Variants in ADAM10 observed in about 807,000 individuals in gnomAD.
ADAM10 encodes the protein ADAM metallopeptidase domain 10.
In ADAM10, 17 loss-of-function variants were observed where a neutral mutation model predicts 90.1. The observed-to-expected ratio is 0.19, with a 90% CI of 0.13 to 0.28. The LOEUF (loss-of-function observed/expected upper bound fraction) is 0.28. ADAM10 is among the 10% of genes least tolerant of loss of function. The pLI, the probability that ADAM10 is intolerant of heterozygous loss-of-function variation, is 1.00. For synonymous variants in ADAM10, 310 were observed against 298.6 expected, an observed-to-expected ratio of 1.04 and a Z score of -0.40; for missense variants, 610 against 914.3, an observed-to-expected ratio of 0.67 and a Z score of 4.29.
chr15:58,622,266 T>G (rs1170944129), intron 10 of ADAM10, among the ~76,000 whole-genome samples: 4 of 152,174 alleles, frequency 2.6e-5, no homozygotes, highest in African/African-American at 9.7e-5. Flanking sequence ...TCTAACAAAA[T>G]TAATAGCATG....
chr15:58,717,645 G>C lies in ADAM10; in HGVS notation c.138C>G (p.His46Gln). 6.2e-7 allele frequency: 1 copy of C among 1,613,790 alleles called. No individual in the cohort carries two copies. ...GTGAGACTGCTCTTTTGGCACGCTG[G>C]TGTTTTTGGTGTAATGAATCCACAT... The part of the protein sequence containing the change: ...SYNVDSLHQK[H>Q]QRAKRAVSHE... Residue 46 changes from histidine (H) to glutamine (Q), a missense_variant, in exon 2 of 16, where the codon CAC becomes CAG. Transcript: ENST00000260408.
At chr15:58,741,639 A>G (rs200683826) in intron 1 of ADAM10, among the ~76,000 whole-genome samples, 1 of 152,240 alleles carries the variant, frequency 6.6e-6, no homozygotes, top group African/African-American at 2.4e-5. Flanking sequence ...TAATATTTAA[A>G]TTCAACAGAG....
chr15:58,737,681 T>G (rs1456661473), intron 1 of ADAM10, among the ~76,000 whole-genome samples: 1 of 152,208 alleles, frequency 6.6e-6, no homozygotes, highest in Non-Finnish European at 1.5e-5. Context: ...TGCCAGCCAT[T>G]GTGATTTTTT....
chr15:58,619,766 T>C (rs1895725414), intron 11 of ADAM10, among the ~76,000 whole-genome samples: 4 of 151,792 alleles, frequency 2.6e-5, no homozygotes. Flanking sequence ...TAGCCAGGCG[T>C]GGTGGCGGGC....
At chr15:58,692,004 G>T (rs986959666) in intron 2 of ADAM10, 42 of 455,172 alleles carry the variant, frequency 9.2e-5, no homozygotes, top group African/African-American at 5.8e-4. Context: ...TTTTGCAAAT[G>T]ACTTCCAAGA....
At chr15:58,732,362 G>C (rs1486705006) in intron 1 of ADAM10, 1 of 152,204 alleles carries the variant, frequency 6.6e-6, no homozygotes, top group African/African-American at 2.4e-5. Context: ...GTGATTGCGG[G>C]AAATTATTTG....
chr15:58,679,062 A>T, intron 4 of ADAM10, 62 bp downstream of exon 4: 1 of 1,486,894 alleles, frequency 6.7e-7, no homozygotes, highest in Non-Finnish European at 9.3e-7. Context: ...ATTTGTCTCC[A>T]CACAGTTTTA....
At chr15:58,606,620 T>G (rs1345187676) in intron 14 of ADAM10, among the ~76,000 whole-genome samples, 1 of 152,216 alleles carries the variant, frequency 6.6e-6, no homozygotes, top group Non-Finnish European at 1.5e-5. Context: ...CCTTCTATTT[T>G]CAACATATCA....
At chr15:58,683,393 T>C (rs557719749) in intron 2 of ADAM10, among the ~76,000 whole-genome samples, 8 of 152,258 alleles carry the variant, frequency 5.3e-5, no homozygotes, top group African/African-American at 9.6e-5. Context: ...CTTCACACAT[T>C]TGTGACATGA....
intron 2 of ADAM10, chr15:58,691,676 CTTTTTTTTTT>C (rs71116587): frequency 2.2e-5 from 5 of 231,882 alleles, no homozygotes; most frequent in East Asian, 1.2e-4. Flanking sequence ...ACTTCTTCTT[CTTTTTTTTTT>C]TTTTTTTTTT....
intron 2 of ADAM10, among the ~76,000 whole-genome samples, chr15:58,698,575 CAA>C (rs138309518): frequency 1.0e-3 from 121 of 115,542 alleles, no homozygotes; most frequent in Admixed American, 1.2e-3. Flanking sequence ...GACCTTGTCT[CAA>C]AAAAAAAAAA....
intron 10 of ADAM10, among the ~76,000 whole-genome samples, chr15:58,622,615 T>C (rs1895820641): frequency 1.3e-5 from 2 of 152,184 alleles, no homozygotes; most frequent in South Asian, 2.1e-4. Flanking sequence ...GGAACAAACA[T>C]GTATTATTTA....
In ADAM10 at chr15:58,736,403, G is replaced by T. The variant is rs1899431145; in HGVS notation, c.55+13077C>A. 2.6e-5 allele frequency among the ~76,000 whole-genome samples: 4 copies of T among 151,686 alleles called. No homozygotes were observed. The South Asian group carries it at 8.3e-4, about 31-fold the overall frequency. On this transcript the variant is annotated intron_variant, in intron 1 of 15. Transcript: ENST00000260408. The stretch of plus-strand genomic sequence containing the variant: ...GGTACTTAATACTTATAAGCCCCAT[G>T]GGAAATCTGAAAAGCATATACTACA...
Position 58,611,462 on chromosome 15 carries a change from C to T in ADAM10, c.1695+346G>A, listed in dbSNP as rs1251022163. ...CCTGTAGAGCAAAGTGATATTCAGC[C>T]ACAAAAGCTTTGAAGGTTTGATATT... On this transcript the variant is annotated intron_variant, in intron 12 of 15. Coordinates refer to ENST00000260408, the MANE Select transcript of ADAM10 (RefSeq NM_001110.4). 4 of 321,780 alleles carry T rather than the reference C, an allele frequency of 1.2e-5. No individual in the cohort carries two copies. In the Admixed American group the frequency reaches 1.9e-4, roughly 15 times the overall value. 19.9% of individuals were successfully genotyped at this position (321,780 alleles called of 1,614,324 possible).
intron 4 of ADAM10, among the ~76,000 whole-genome samples, chr15:58,670,983 A>G (rs575961897): frequency 2.0e-5 from 3 of 152,134 alleles, no homozygotes; most frequent in Admixed American, 6.5e-5. Flanking sequence ...CATTACCTGT[A>G]TAAGGTTATA....
intron 1 of ADAM10, among the ~76,000 whole-genome samples, chr15:58,725,339 T>C (rs1898994451): frequency 6.8e-6 from 1 of 147,408 alleles, no homozygotes; most frequent in African/African-American, 2.5e-5. Flanking sequence ...CAAGATCAGC[T>C]GGGCAATATA....
At position 58,627,772 on chromosome 15, in the gene ADAM10, T is replaced by C. The variant is rs765293675; in HGVS notation, c.1288A>G (p.Asn430Asp). 1 of 1,613,636 alleles carries C rather than the reference T, an allele frequency of 6.2e-7. No individual in the cohort carries two copies. Among genetic ancestry groups the C allele is most frequent in the Non-Finnish European group, 8.5e-7 (1 of 1,179,672 alleles). ...RATSGDKLNN[N>D]KFSLCSIRNI... ...CTAATACTACAGAGTGAGAATTTAT[T>C]GTTGTTAAGTTTGTCCCCAGATGTT... The change falls in exon 10 of 16, where the codon AAT becomes GAT. Residue 430 changes from asparagine to aspartate, a missense_variant. Around this residue, in one of 4 missense-constraint regions of ADAM10, gnomAD observed 97 missense variants for 221.4 expected, o/e 0.44. Coordinates refer to ENST00000260408, the MANE Select transcript of ADAM10 (RefSeq NM_001110.4).
intron 5 of ADAM10, among the ~76,000 whole-genome samples, chr15:58,653,031 C>T (rs1305945544): frequency 3.9e-5 from 6 of 152,104 alleles, no homozygotes; most frequent in African/African-American, 1.4e-4. Flanking sequence ...CTGGAAACAA[C>T]AGTAGAAATG....
chr15:58,610,297 C>T lies in ADAM10; in HGVS notation c.2025G>A (p.Val675=). 6.2e-7 allele frequency: 1 copy of T among 1,613,334 alleles called. No homozygotes were observed. Among genetic ancestry groups the T allele is most frequent in the Non-Finnish European group, 8.5e-7 (1 of 1,179,352 alleles). Residue 675 remains valine (V), a splice_region_variant and synonymous_variant, in exon 14 of 16, where the codon GTG becomes GTA. Coordinates refer to ENST00000260408, the MANE Select transcript of ADAM10 (RefSeq NM_001110.4). ...ELYENIAEWI[V]AHWWAVLLMG... ...CTTTGTAAATAAAAAACATACTTAC[C>T]ACAATCCATTCAGCAATGTTTTCAT...
Sources: gnomAD v4.1 joint callset for allele counts (sites outside exome capture counted in the v4.1 genomes callset) on GRCh38, gnomAD v4.1.1 for gene constraint, gnomAD v4.1.1 regional missense constraint, MANE v1.5 for transcripts, NCBI Gene and HGNC (gene_info 2026-07-23, HGNC 2026-07-21) for gene names.